Variants in CD207 observed in about 807,000 individuals in gnomAD.
The protein encoded by CD207 is C-type lectin domain family 4 member K.
Under a neutral mutation model 31.6 loss-of-function variants are expected in CD207, and 28 were observed. That is an observed-to-expected ratio of 0.89 (90% CI 0.66 to 1.21). The LOEUF (loss-of-function observed/expected upper bound fraction) is 1.21. Among genes scored for constraint, CD207 ranks in the 50% most tolerant of loss-of-function variants. The pLI, the probability that CD207 is intolerant of heterozygous loss-of-function variation, is 0.00. For missense variants in CD207, 388 were observed against 397.8 expected (o/e 0.98, Z 0.21); for synonymous variants, 168 against 153.9 (o/e 1.09, Z -0.68).
chr2:70,834,934 T>C (rs1276422361), intron 2 of CD207, among the ~76,000 whole-genome samples: 1 of 152,226 alleles, frequency 6.6e-6, no homozygotes, highest in Middle Eastern at 3.4e-3. Context: ...CAACATCAAA[T>C]GAGCAGGAAG....
chr2:70,825,852 G>C (rs782446950), downstream of CD207, among the ~76,000 whole-genome samples: 1 of 152,090 alleles, frequency 6.6e-6, no homozygotes, highest in Admixed American at 6.5e-5. Flanking sequence ...GTATTTAAAA[G>C]ATATTAGGGA....
At chr2:70,825,042 G>C in the CD207 span, among the ~76,000 whole-genome samples, 4 of 151,740 alleles carry the variant, frequency 2.6e-5, no homozygotes, top group Admixed American at 2.0e-4. Flanking sequence ...CAAGGTCAAC[G>C]CCAACAGTAA....
At position 70,831,157 on chromosome 2, in the gene CD207, G is replaced by T; in HGVS notation, c.880C>A (p.His294Asn). 6.2e-7 allele frequency: 1 copy of T among 1,613,816 alleles called. No homozygotes were observed. Among genetic ancestry groups the T allele is most frequent in the Non-Finnish European group, 8.5e-7 (1 of 1,179,758 alleles). ...GEPNNAGNNE[H>N]CGNIKAPSLQ... ...GAGGGAGCCTTTATATTGCCACAGTGTTCATTGTTCCCAGCATTGTTGGGC... is the reference window on the plus strand; with the variant it reads ...GAGGGAGCCTTTATATTGCCACAGTTTTCATTGTTCCCAGCATTGTTGGGC... The change falls in exon 6 of 6, where the codon CAC (histidine) becomes AAC (asparagine). Residue 294 changes from histidine to asparagine, a missense_variant. Physicochemically the swap from His to Asn is moderately conservative, Grantham distance 68. Coordinates refer to ENST00000410009, the MANE Select transcript of CD207 (RefSeq NM_015717.5).
intron 5 of CD207, 63 bp from the exon 6 acceptor site, chr2:70,831,263 G>A: frequency 6.6e-7 from 1 of 1,506,908 alleles, no homozygotes; most frequent in Non-Finnish European, 9.1e-7. Flanking sequence ...CTTATTTCCA[G>A]TGAAGAAATG....
At position 70,831,800 on chromosome 2, in the gene CD207, G is replaced by T. The variant is rs527591997; in HGVS notation, c.737C>A (p.Ala246Glu). The T allele has an allele frequency of 3.6e-5, 58 of 1,610,352 alleles. No individual in the cohort carries two copies. The highest frequency in any genetic ancestry group is 4.8e-5 in the Non-Finnish European group (56 of 1,176,672). The change falls in exon 5 of 6, where the codon GCG (alanine) becomes GAG (glutamate). Residue 246 changes from alanine to glutamate, a missense_variant. Coordinates refer to ENST00000410009, the MANE Select transcript of CD207 (RefSeq NM_015717.5). Reference protein sequence around the residue: ...ESEQEFLYKTAGGLIYWIGLT... With the variant: ...ESEQEFLYKTEGGLIYWIGLT... Reference sequence around the variant, plus strand: ...GCCAATCCAGTAGATGAGTCCCCCCGCTGTTTTATACAGAAACTCCTGTAG... The same window carrying T: ...GCCAATCCAGTAGATGAGTCCCCCCTCTGTTTTATACAGAAACTCCTGTAG...
At chr2:70,827,099 C>T (rs1188001453), downstream of CD207, among the ~76,000 whole-genome samples, 1 of 152,170 alleles carries the variant, frequency 6.6e-6, no homozygotes, top group South Asian at 2.1e-4. Flanking sequence ...CACTCCTTCT[C>T]TGCATTTTCT....
chr2:70,833,537 T>C (rs1263150432), intron 3 of CD207, 109 bp downstream of exon 3: 1 of 1,282,768 alleles, frequency 7.8e-7, no homozygotes, highest in Non-Finnish European at 1.0e-6. Flanking sequence ...TGCCCCTCTT[T>C]TGCCCCCACT....
chr2:70,828,222 T>A (rs1261701887), downstream of CD207, among the ~76,000 whole-genome samples: 1 of 152,112 alleles, frequency 6.6e-6, no homozygotes, highest in Non-Finnish European at 1.5e-5. Flanking sequence ...CTATCAATGG[T>A]GGGACTTCCT....
chr2:70,827,167 T>C (rs753057760), downstream of CD207, among the ~76,000 whole-genome samples: 1 of 152,196 alleles, frequency 6.6e-6, no homozygotes, highest in Non-Finnish European at 1.5e-5. Context: ...ATTCTGCTCA[T>C]CTCTCAAGGC....
In CD207 at chr2:70,833,798, T is replaced by C; in HGVS notation, c.413A>G (p.Gln138Arg). The C allele has an allele frequency of 6.2e-7, 1 of 1,614,046 alleles. No individual in the cohort carries two copies. Among genetic ancestry groups the C allele is most frequent in the Non-Finnish European group, 8.5e-7 (1 of 1,179,884 alleles). The change falls in exon 3 of 6, where the codon CAG becomes CGG. Residue 138 changes from glutamine (Q) to arginine (R), a missense_variant. Transcript: ENST00000410009. ...TTCTTCCCAACTTCTTGTTAAGATC[T>C]GGATCTGTGCGTTGGCCTTCTCCAC... is the stretch of plus-strand genomic sequence containing the variant. ...TSVEKANAQIQILTRSWEEVS... is the reference protein window; with the variant it reads ...TSVEKANAQIRILTRSWEEVS...
chr2:70,834,035 G>A lies in CD207; in HGVS notation c.191-15C>T, dbSNP rs371003487. The A allele has an allele frequency of 6.7e-7, 1 of 1,501,766 alleles. No individual in the cohort carries two copies. The highest frequency in any genetic ancestry group is 8.9e-7 in the Non-Finnish European group (1 of 1,127,124). 93.0% of individuals were successfully genotyped at this position (1,501,766 alleles called of 1,614,324 possible). A position where few individuals can be genotyped will look rare whatever the true frequency, so the allele number is the denominator to read the frequency against. On this transcript the variant is annotated splice_polypyrimidine_tract_variant and intron_variant, in intron 2 of 5. Transcript: ENST00000410009. ...AAACCGGGGATCTGGGATTGAGAAA[G>A]TCAGGAGGTCAGCTGAGGGGAGTCC...
Position 70,834,042 on chromosome 2 carries a change from G to C in CD207, c.191-22C>G, listed in dbSNP as rs782041008. On this transcript the variant is annotated intron_variant, in intron 2 of 5. Transcript: ENST00000410009. ...GGATCTGGGATTGAGAAAGTCAGGA[G>C]GTCAGCTGAGGGGAGTCCCAGGGAC... 12 of 1,499,402 alleles carry C rather than the reference G, an allele frequency of 8.0e-6. 1 individual carries two copies. Among genetic ancestry groups the C allele is most frequent in the Non-Finnish European group, 8.9e-7 (1 of 1,126,492 alleles). 92.9% of individuals were successfully genotyped at this position (1,499,402 alleles called of 1,614,324 possible).
Position 70,832,928 on chromosome 2 carries a change from A to C in CD207, c.689T>G (p.Leu230Arg). 1 of 1,613,990 alleles carries C rather than the reference A, an allele frequency of 6.2e-7. No homozygotes were observed. Among genetic ancestry groups the C allele is most frequent in the Non-Finnish European group, 8.5e-7 (1 of 1,179,856 alleles). Residue 230 changes from leucine to arginine, a missense_variant, in exon 4 of 6, where the codon CTG becomes CGG. Coordinates refer to ENST00000410009, the MANE Select transcript of CD207 (RefSeq NM_015717.5). ...CTCACTCTCTGAGGTCACCGAGGTCAGGTGTGAATTCCTGGACACACAGAA... is the reference window on the plus strand; with the variant it reads ...CTCACTCTCTGAGGTCACCGAGGTCCGGTGTGAATTCCTGGACACACAGAA... Reference protein sequence around the residue: ...EQFCVSRNSHLTSVTSESEQE... With the variant: ...EQFCVSRNSHRTSVTSESEQE...
rs1677462969 is a variant in CD207, at chr2:70,831,220, A to G, written c.837-20T>C. 6.3e-7 allele frequency: 1 copy of G among 1,589,402 alleles called. No homozygotes were observed. Among genetic ancestry groups the G allele is most frequent in the African/African-American group, 1.4e-5 (1 of 73,710 alleles). On this transcript the variant is annotated intron_variant, in intron 5 of 5. Transcript: ENST00000410009. ...CAGAACCTACCAAGAGCGGGGAAAA[A>G]GATGGATTTACAAAGTGGAAAATCA...
At position 70,830,731 on chromosome 2, in the gene CD207, C is replaced by A; in HGVS notation, c.*319G>T. ...CTTTGATGTGATGAAGCTGAGGTTT[C>A]TCTGAAAGAGTGGAAAACCCCAGGG... On this transcript the variant is annotated 3_prime_UTR_variant, in exon 6 of 6. Coordinates refer to ENST00000410009, the MANE Select transcript of CD207 (RefSeq NM_015717.5). 1 of 220,798 alleles carries A rather than the reference C, an allele frequency of 4.5e-6. No individual in the cohort carries two copies. The highest frequency in any genetic ancestry group is 8.9e-6 in the Non-Finnish European group (1 of 112,434). The allele number at this position is 220,798 out of a possible 1,614,324, so 13.7% of individuals were successfully genotyped here.
downstream of CD207, among the ~76,000 whole-genome samples, chr2:70,828,799 G>A (rs1283387294): frequency 2.0e-5 from 3 of 152,104 alleles, no homozygotes; most frequent in African/African-American, 7.2e-5. Context: ...CCAAGTAGTT[G>A]GAATTACAGG....
downstream of CD207, among the ~76,000 whole-genome samples, chr2:70,826,139 C>T (rs1677338114): frequency 6.6e-6 from 1 of 151,776 alleles, no homozygotes; most frequent in African/African-American, 2.4e-5. Context: ...CAAAGGGAGG[C>T]CCTGTCTCAA....
downstream of CD207, among the ~76,000 whole-genome samples, chr2:70,826,743 A>C (rs1677355884): frequency 6.6e-6 from 1 of 152,218 alleles, no homozygotes; most frequent in Admixed American, 6.5e-5. Context: ...AAAATACAGG[A>C]AGATACCTAA....
At chr2:70,827,393 G>A (rs1181959817), downstream of CD207, among the ~76,000 whole-genome samples, 7 of 152,152 alleles carry the variant, frequency 4.6e-5, no homozygotes, top group East Asian at 1.2e-3. Flanking sequence ...TTGGAGGTCT[G>A]GGATGGGAAC....
Sources: gnomAD v4.1 joint callset for allele counts (sites outside exome capture counted in the v4.1 genomes callset) on GRCh38, gnomAD v4.1.1 for gene constraint, MANE v1.5 for transcripts, NCBI Gene and HGNC (gene_info 2026-07-23, HGNC 2026-07-21) for gene names.